GRK3: variants seen among roughly 807,000 people sequenced by gnomAD.
GRK3 encodes the protein G protein-coupled receptor kinase 3, also known as adrenergic, beta, receptor kinase 2.
A neutral mutation model predicts 95.7 loss-of-function variants in GRK3; 54 were observed. The ratio of observed to expected loss-of-function variants is 0.56; its 90% confidence interval spans 0.45 to 0.71. The LOEUF (loss-of-function observed/expected upper bound fraction) is 0.71, where lower values mean the gene tolerates loss of function less well. Ranked by LOEUF, GRK3 falls within the 30% of genes least tolerant of loss-of-function variation. The probability of loss-of-function intolerance (pLI) is 0.00; values close to 1 mark genes in which losing one functional copy is unlikely to be tolerated. For synonymous variants in GRK3, 281 were observed against 290.8 expected (o/e 0.97, Z 0.34); for missense variants, 649 against 851.2 (o/e 0.76, Z 2.96).
intron 1 of GRK3, among the ~76,000 whole-genome samples, 165 bp downstream of exon 1, chr22:25,565,318 AT>A (rs1319025435): frequency 6.6e-6 from 1 of 152,070 alleles, no homozygotes; most frequent in East Asian, 1.9e-4. Context: ...AGTCTCTGAA[AT>A]GGGGCATCGG....
At chr22:25,713,216 G>C (rs2085357937) in intron 17 of GRK3, among the ~76,000 whole-genome samples, 2 of 152,046 alleles carry the variant, frequency 1.3e-5, no homozygotes, top group African/African-American at 4.8e-5. Context: ...CCTGATCTCA[G>C]GTGCTCATCG....
At chr22:25,657,510 C>T (rs78305239) in intron 3 of GRK3, among the ~76,000 whole-genome samples, 3,405 of 152,222 alleles carry the variant, frequency 0.022, 60 homozygotes, top group Middle Eastern at 0.068. Flanking sequence ...TTACTATTTT[C>T]ATGAGGTATC....
chr22:25,718,642 C>T (rs1568942007), intron 19 of GRK3, among the ~76,000 whole-genome samples: 1 of 152,198 alleles, frequency 6.6e-6, no homozygotes, highest in East Asian at 1.9e-4. Flanking sequence ...TTGAAGAAGG[C>T]TGGAGAGCAG....
intron 3 of GRK3, chr22:25,648,986 A>T (rs1199658313): frequency 4.6e-5 from 48 of 1,054,052 alleles, no homozygotes; most frequent in Non-Finnish European, 7.0e-5. Flanking sequence ...TTGGAATTCT[A>T]CAGACAGAAC....
intron 3 of GRK3, among the ~76,000 whole-genome samples, chr22:25,660,434 C>T (rs1451541650): frequency 6.6e-6 from 1 of 152,184 alleles, no homozygotes; most frequent in East Asian, 1.9e-4. Context: ...ATGTGAATTT[C>T]AGCCATCACA....
At chr22:25,686,472 G>A (rs1051087510) in intron 10 of GRK3, among the ~76,000 whole-genome samples, 1 of 152,128 alleles carries the variant, frequency 6.6e-6, no homozygotes, top group Non-Finnish European at 1.5e-5. Context: ...GGGATGCTGG[G>A]CATCTTTTCC....
chr22:25,663,566 T>C (rs2084923131), intron 4 of GRK3, 64 bp from the exon 5 acceptor site: 1 of 1,010,766 alleles, frequency 9.9e-7, no homozygotes, highest in Non-Finnish European at 1.5e-6. Flanking sequence ...TGTTGTGATA[T>C]TATATAACAT....
chr22:25,597,365 C>T (rs2084379301), intron 1 of GRK3, among the ~76,000 whole-genome samples: 1 of 152,102 alleles, frequency 6.6e-6, no homozygotes, highest in African/African-American at 2.4e-5. Flanking sequence ...AAGAGAAATA[C>T]ATTCTAATGT....
At chr22:25,620,009 TGTGTGTGTGTGTG>T (rs2084571130) in intron 2 of GRK3, among the ~76,000 whole-genome samples, 5 of 92,632 alleles carry the variant, frequency 5.4e-5, no homozygotes, top group East Asian at 2.8e-4. Flanking sequence ...GTCTTTTTTG[TGTGTGTGTGTGTG>T]TGTGTGTGTG....
At chr22:25,706,803 G>A (rs8139152) in intron 15 of GRK3, among the ~76,000 whole-genome samples, 69,141 of 151,962 alleles carry the variant, frequency 0.45, 18,238 homozygotes, top group Non-Finnish European at 0.59. Context: ...GATTACAGGC[G>A]TGAGCCACCA....
rs556488485 is a variant in GRK3, at chr22:25,577,783, A to G, written c.113+12630A>G. Among the ~76,000 whole-genome samples the G allele has an allele frequency of 2.0e-3, 311 of 152,304 alleles. 1 individual carries two copies. The highest frequency in any genetic ancestry group is 3.4e-3 in the Middle Eastern group (1 of 292). On this transcript the variant is annotated intron_variant, in intron 1 of 20. Coordinates refer to ENST00000324198, the MANE Select transcript of GRK3 (RefSeq NM_005160.4). ...CCCTGTGCTCATAAGCCCAAGAGCA[A>G]TTGCAGTGAATGTTCTTACATAGGT...
intron 1 of GRK3, among the ~76,000 whole-genome samples, chr22:25,592,248 A>T (rs1932517093): frequency 6.6e-6 from 1 of 152,206 alleles, no homozygotes; most frequent in Non-Finnish European, 1.5e-5. Context: ...ATGTTGAACA[A>T]CTTTTCATAT....
chr22:25,725,472 C>A lies in GRK3; in HGVS notation c.*3022C>A. ...TATTATTTTTAACCTAAAACATTCTCTTTGGTTCATTCATCCCCTCATGTC... is the reference window on the plus strand; with the variant it reads ...TATTATTTTTAACCTAAAACATTCTATTTGGTTCATTCATCCCCTCATGTC... On this transcript the variant is annotated 3_prime_UTR_variant, in exon 21 of 21. Transcript: ENST00000324198. 5.0e-6 allele frequency: 2 copies of A among 398,332 alleles called. No homozygotes were observed. Among genetic ancestry groups the A allele is most frequent in the Non-Finnish European group, 4.4e-6 (1 of 225,972 alleles). The allele number at this position is 398,332 out of a possible 1,614,324, so 24.7% of individuals were successfully genotyped here. A position where few individuals can be genotyped will look rare whatever the true frequency, so the allele number is the denominator to read the frequency against.
chr22:25,637,687 C>A (rs2084712425), intron 2 of GRK3, among the ~76,000 whole-genome samples: 1 of 152,156 alleles, frequency 6.6e-6, no homozygotes, highest in South Asian at 2.1e-4. Context: ...TATTCTTTAC[C>A]ATGCTCCAAA....
intron 2 of GRK3, among the ~76,000 whole-genome samples, chr22:25,641,362 C>T (rs1284886608): frequency 6.6e-6 from 1 of 152,122 alleles, no homozygotes; most frequent in Non-Finnish European, 1.5e-5. Context: ...TCTCCTTGTA[C>T]CTTTGCTCTT....
intron 12 of GRK3, among the ~76,000 whole-genome samples, chr22:25,692,000 G>A (rs2146440001): frequency 6.6e-6 from 1 of 152,176 alleles, no homozygotes; most frequent in Non-Finnish European, 1.5e-5. Flanking sequence ...GTCTTGCTCT[G>A]TCTCCAAGGC....
intron 17 of GRK3, among the ~76,000 whole-genome samples, chr22:25,713,144 C>A (rs979967602): frequency 2.0e-5 from 3 of 152,176 alleles, no homozygotes; most frequent in Non-Finnish European, 4.4e-5. Context: ...TTCAGAATAA[C>A]TGCCTGGGCA....
intron 15 of GRK3, among the ~76,000 whole-genome samples, chr22:25,705,222 T>A (rs2085290841): frequency 6.6e-6 from 1 of 152,180 alleles, no homozygotes; most frequent in Non-Finnish European, 1.5e-5. Context: ...TTCCTCCACC[T>A]CTCAAAAGTT....
At chr22:25,608,681 C>T (rs931927606) in intron 2 of GRK3, among the ~76,000 whole-genome samples, 1 of 152,194 alleles carries the variant, frequency 6.6e-6, no homozygotes, top group Non-Finnish European at 1.5e-5. Flanking sequence ...AACCACAAAG[C>T]ACAGAATTCC....
Sources: gnomAD v4.1 joint callset for allele counts (sites outside exome capture counted in the v4.1 genomes callset) on GRCh38, gnomAD v4.1.1 for gene constraint, MANE v1.5 for transcripts, NCBI Gene and HGNC (gene_info 2026-07-23, HGNC 2026-07-21) for gene names.